CTDSPL2: variants seen among roughly 807,000 people sequenced by gnomAD.
CTDSPL2 encodes the protein CTD small phosphatase like 2.
CTDSPL2 carries 5 observed loss-of-function variants against 60.0 expected under a neutral mutation model. The observed-to-expected ratio is 0.08, with a 90% CI of 0.04 to 0.18. CTDSPL2 has a LOEUF of 0.18. Ranked by LOEUF, CTDSPL2 falls within the 10% of genes least tolerant of loss-of-function variation. The pLI, the probability that CTDSPL2 is intolerant of heterozygous loss-of-function variation, is 1.00. For missense variants in CTDSPL2, 370 were observed against 548.8 expected, an observed-to-expected ratio of 0.67 and a Z score of 3.26; for synonymous variants, 186 against 189.3, an observed-to-expected ratio of 0.98 and a Z score of 0.14.
intron 8 of CTDSPL2, among the ~76,000 whole-genome samples, chr15:44,513,065 C>T (rs2081592053): frequency 6.8e-6 from 1 of 147,556 alleles, no homozygotes; most frequent in Non-Finnish European, 1.5e-5. Flanking sequence ...GAGCAAGACT[C>T]CTTCTCAAAA....
chr15:44,514,919 T>C, intron 10 of CTDSPL2, 75 bp downstream of exon 10: 1 of 916,840 alleles, frequency 1.1e-6, no homozygotes, highest in South Asian at 1.6e-5. Flanking sequence ...TTCATTTTAA[T>C]GGCCATTTTC....
At chr15:44,502,458 A>G (rs1454830976) in intron 8 of CTDSPL2, among the ~76,000 whole-genome samples, 4 of 152,096 alleles carry the variant, frequency 2.6e-5, no homozygotes, top group South Asian at 2.1e-4. Context: ...ATAATTGTCT[A>G]TATCAGGGGT....
At chr15:44,473,217 T>G (rs1375764078) in intron 2 of CTDSPL2, among the ~76,000 whole-genome samples, 1 of 152,250 alleles carries the variant, frequency 6.6e-6, no homozygotes, top group East Asian at 1.9e-4. Context: ...TCCACTTTGT[T>G]TATTTTTTAT....
At chr15:44,463,021 CTGTAGAAAT>C (rs1266055783) in intron 2 of CTDSPL2, among the ~76,000 whole-genome samples, 1 of 151,646 alleles carries the variant, frequency 6.6e-6, no homozygotes, top group Non-Finnish European at 1.5e-5. Flanking sequence ...GAGGATTTTT[CTGTAGAAAT>C]TTTTGTCCAA....
intron 2 of CTDSPL2, among the ~76,000 whole-genome samples, chr15:44,466,075 C>T (rs986303201): frequency 6.6e-6 from 1 of 152,040 alleles, no homozygotes; most frequent in Non-Finnish European, 1.5e-5. Flanking sequence ...GATGGGATTA[C>T]AGGCACCCAC....
Position 44,524,157 on chromosome 15 carries a change from T to C in CTDSPL2, c.1384T>C (p.Leu462=). 1 of 1,613,766 alleles carries C rather than the reference T, an allele frequency of 6.2e-7. No individual in the cohort carries two copies. Among genetic ancestry groups the C allele is most frequent in the Admixed American group, 1.7e-5 (1 of 60,030 alleles). Reference sequence around the variant, plus strand: ...CAGAGACAGATTTCGCTTGCATGATTTGCTGCCCCCAGATTAAGTACAAAG... The same window carrying C: ...CAGAGACAGATTTCGCTTGCATGATCTGCTGCCCCCAGATTAAGTACAAAG... The part of the protein sequence containing the change: ...HIRDRFRLHD[L]LPPD The change falls in exon 13 of 13, where the codon TTG becomes CTG. Residue 462 remains leucine (L), a synonymous_variant. Coordinates refer to ENST00000260327, the MANE Select transcript of CTDSPL2 (RefSeq NM_016396.3).
At chr15:44,462,634 C>A (rs139769328) in intron 2 of CTDSPL2, among the ~76,000 whole-genome samples, 15 of 151,258 alleles carry the variant, frequency 9.9e-5, no homozygotes, top group African/African-American at 2.9e-4. Context: ...TCATTCCTAA[C>A]AGGCCATGGA....
In CTDSPL2 at chr15:44,514,676, C is replaced by T; in HGVS notation, c.1032+16C>T. The T allele has an allele frequency of 6.3e-7, 1 of 1,580,838 alleles. No individual in the cohort carries two copies. The highest frequency in any genetic ancestry group is 8.7e-7 in the Non-Finnish European group (1 of 1,150,400). ...GATGTATGAGGTAAACATGCTTAAG[C>T]TAATTACATATGTATTTTTATTTTA... On this transcript the variant is annotated intron_variant, in intron 9 of 12. Coordinates refer to ENST00000260327, the MANE Select transcript of CTDSPL2 (RefSeq NM_016396.3).
intron 7 of CTDSPL2, among the ~76,000 whole-genome samples, chr15:44,498,750 T>C (rs1197888289): frequency 6.6e-6 from 1 of 151,866 alleles, no homozygotes; most frequent in Non-Finnish European, 1.5e-5. Flanking sequence ...AATACAAAAA[T>C]TAGCCGGGCG....
chr15:44,459,704 C>G (rs977878961), intron 2 of CTDSPL2, among the ~76,000 whole-genome samples: 3 of 152,150 alleles, frequency 2.0e-5, no homozygotes, highest in Non-Finnish European at 4.4e-5. Context: ...TAGCCTTCTG[C>G]TTTTTCAACA....
chr15:44,509,801 C>CTA (rs1417521149), intron 8 of CTDSPL2, among the ~76,000 whole-genome samples: 2 of 151,676 alleles, frequency 1.3e-5, no homozygotes, highest in African/African-American at 4.8e-5. Context: ...TGGCATGCGC[C>CTA]TATAGCCCCA....
intron 8 of CTDSPL2, among the ~76,000 whole-genome samples, chr15:44,500,289 C>G (rs531389583): frequency 6.6e-6 from 1 of 152,268 alleles, no homozygotes; most frequent in Admixed American, 6.5e-5. Context: ...GGACACTCTT[C>G]TAGTTATTGT....
intron 1 of CTDSPL2, among the ~76,000 whole-genome samples, chr15:44,440,488 G>C (rs1038313531): frequency 6.6e-6 from 1 of 151,960 alleles, no homozygotes; most frequent in East Asian, 1.9e-4. Flanking sequence ...GAGCCACTGC[G>C]CCTGGTCCTG....
rs1301657169 is a variant in CTDSPL2, at chr15:44,524,492, G to T, written c.*318G>T. 4 of 242,868 alleles carry T rather than the reference G, an allele frequency of 1.6e-5. No individual in the cohort carries two copies. The Admixed American group carries it at 2.1e-4, about 13-fold the overall frequency. The allele number at this position is 242,868 out of a possible 1,614,324, so 15.0% of individuals were successfully genotyped here. A position where few individuals can be genotyped will look rare whatever the true frequency, so the allele number is the denominator to read the frequency against. ...CAGCAGTTTGACCTGTAGTCACACA[G>T]GATTTTATGATAATAACAGAGATGA... On this transcript the variant is annotated 3_prime_UTR_variant, in exon 13 of 13. Coordinates refer to ENST00000260327, the MANE Select transcript of CTDSPL2 (RefSeq NM_016396.3).
intron 5 of CTDSPL2, among the ~76,000 whole-genome samples, chr15:44,491,972 G>C (rs1176198992): frequency 6.6e-6 from 1 of 151,776 alleles, no homozygotes. Flanking sequence ...CAAGCGATTC[G>C]CCTGTCTCAG....
chr15:44,486,684 A>G lies in CTDSPL2; in HGVS notation c.459A>G (p.Ser153=), dbSNP rs1595748639. ...TIFSPVFNFF[S]PANKNGTSGS... is the part of the protein sequence containing the mutation. Reference sequence around the variant, plus strand: ...TTTCACCTGTCTTCAACTTTTTTTCACCAGCAAATAAAAATGGTAAGTATA... The same window carrying G: ...TTTCACCTGTCTTCAACTTTTTTTCGCCAGCAAATAAAAATGGTAAGTATA... The change falls in exon 4 of 13, where the codon TCA becomes TCG. Residue 153 remains serine (S), a synonymous_variant. Coordinates refer to ENST00000260327, the MANE Select transcript of CTDSPL2 (RefSeq NM_016396.3). 1 of 1,583,432 alleles carries G rather than the reference A, an allele frequency of 6.3e-7. No individual in the cohort carries two copies.
chr15:44,440,660 T>C (rs1034664853), intron 1 of CTDSPL2, among the ~76,000 whole-genome samples: 1 of 142,372 alleles, frequency 7.0e-6, no homozygotes, highest in Admixed American at 6.8e-5. Flanking sequence ...GGTTTTTAAA[T>C]TTTTTTTTTA....
intron 7 of CTDSPL2, among the ~76,000 whole-genome samples, chr15:44,498,778 A>G (rs2081342569): frequency 6.6e-6 from 1 of 152,140 alleles, no homozygotes; most frequent in Non-Finnish European, 1.5e-5. Context: ...GGGCGCCTGT[A>G]ATTTCAGCTG....
At chr15:44,488,223 T>C (rs1281278500) in intron 4 of CTDSPL2, among the ~76,000 whole-genome samples, 2 of 152,110 alleles carry the variant, frequency 1.3e-5, no homozygotes, top group East Asian at 3.9e-4. Flanking sequence ...TTTATAAAGA[T>C]CACTTGGGCA....
Sources: gnomAD v4.1 joint callset for allele counts (sites outside exome capture counted in the v4.1 genomes callset) on GRCh38, gnomAD v4.1.1 for gene constraint, MANE v1.5 for transcripts, NCBI Gene and HGNC (gene_info 2026-07-23, HGNC 2026-07-21) for gene names.